Variants in SLC41A3 observed in about 807,000 individuals in gnomAD.
The protein encoded by SLC41A3 is SLC41A1-like 2.
Under a neutral mutation model 45.4 loss-of-function variants are expected in SLC41A3, and 44 were observed. The observed-to-expected ratio is 0.97, with a 90% CI of 0.76 to 1.25. The LOEUF is 1.25. Ranked by LOEUF, SLC41A3 falls within the 50% of genes most tolerant of loss-of-function variation. The pLI is 0.00. For missense variants in SLC41A3, 550 were observed against 600.6 expected, an observed-to-expected ratio of 0.92 and a Z score of 0.88; for synonymous variants, 256 against 252.4, an observed-to-expected ratio of 1.01 and a Z score of -0.13.
chr3:126,014,228 C>T (rs1008137462), intron 8 of SLC41A3, among the ~76,000 whole-genome samples: 4 of 151,918 alleles, frequency 2.6e-5, no homozygotes, highest in Non-Finnish European at 5.9e-5. Context: ...AGGACTGCTG[C>T]GATCTATTCG....
At chr3:126,090,389 A>G (rs879281356) in intron 1 of SLC41A3, among the ~76,000 whole-genome samples, 4 of 152,200 alleles carry the variant, frequency 2.6e-5, no homozygotes, top group Non-Finnish European at 4.4e-5. Context: ...AGTAGAAAAG[A>G]AAGGAGCTAA....
At chr3:126,087,989 C>G (rs1945426506), upstream of SLC41A3, among the ~76,000 whole-genome samples, 1 of 152,066 alleles carries the variant, frequency 6.6e-6, no homozygotes, top group Non-Finnish European at 1.5e-5. Context: ...TATAATCTGT[C>G]TCTTTGACAT....
At chr3:126,076,069 A>G (rs1009284860) in intron 1 of SLC41A3, among the ~76,000 whole-genome samples, 3 of 152,256 alleles carry the variant, frequency 2.0e-5, no homozygotes, top group Non-Finnish European at 1.5e-5. Flanking sequence ...AGTATTTGCC[A>G]ATCATTATAT....
At chr3:126,067,843 G>A (rs1012301194) in intron 2 of SLC41A3, 104 bp downstream of exon 2, 4 of 1,431,596 alleles carry the variant, frequency 2.8e-6, no homozygotes, top group Non-Finnish European at 3.7e-6. Context: ...CTTTTCAAGA[G>A]GACTGCCCGA....
At chr3:126,016,970 G>T in intron 6 of SLC41A3, 95 bp from the exon 7 acceptor site, 1 of 1,444,654 alleles carries the variant, frequency 6.9e-7, no homozygotes, top group Non-Finnish European at 9.3e-7. Flanking sequence ...GGGTGAGGAC[G>T]CTCCTGTCCT....
At chr3:126,053,463 G>A (rs1475583815) in intron 2 of SLC41A3, among the ~76,000 whole-genome samples, 1 of 152,140 alleles carries the variant, frequency 6.6e-6, no homozygotes, top group Non-Finnish European at 1.5e-5. Context: ...TAATACAAAT[G>A]TAAAGTGAAA....
chr3:126,055,070 A>C (rs1213245665), intron 2 of SLC41A3, among the ~76,000 whole-genome samples: 3 of 152,134 alleles, frequency 2.0e-5, no homozygotes, highest in Non-Finnish European at 4.4e-5. Flanking sequence ...CCTGGTGGGT[A>C]CAGACTGCCC....
intron 2 of SLC41A3, among the ~76,000 whole-genome samples, chr3:126,066,732 C>T (rs1237441035): frequency 1.3e-5 from 2 of 152,170 alleles, no homozygotes; most frequent in African/African-American, 4.8e-5. Flanking sequence ...AAAGATTTAG[C>T]TGAAGGCAGC....
intron 1 of SLC41A3, among the ~76,000 whole-genome samples, chr3:126,082,672 G>C (rs1215794749): frequency 6.6e-6 from 1 of 152,180 alleles, no homozygotes; most frequent in Non-Finnish European, 1.5e-5. Flanking sequence ...GCATCCCTGT[G>C]TCACCCTGTG....
chr3:126,064,805 T>C (rs180907889), intron 2 of SLC41A3, among the ~76,000 whole-genome samples: 56 of 152,360 alleles, frequency 3.7e-4, no homozygotes, highest in African/African-American at 1.3e-3. Context: ...AGCCCAGGAC[T>C]GCATCAGTTT....
intron 5 of SLC41A3, chr3:126,025,256 C>G (rs566588549): frequency 6.6e-6 from 1 of 152,150 alleles, no homozygotes; most frequent in Non-Finnish European, 1.5e-5. Context: ...TGCACATGTG[C>G]GAGCCCCAAG....
chr3:126,006,657 A>G lies in SLC41A3; in HGVS notation c.*359T>C. ...CCTGCTCCACCCCAATCTGGGTTGC[A>G]TGGGCATGGAAAAGAGCAAACACAC... is the stretch of plus-strand genomic sequence containing the variant. On this transcript the variant is annotated 3_prime_UTR_variant, in exon 11 of 11. Coordinates refer to ENST00000360370, the MANE Select transcript of SLC41A3 (RefSeq NM_017836.4). 3 of 1,501,960 alleles carry G rather than the reference A, an allele frequency of 2.0e-6. No homozygotes were observed. Among genetic ancestry groups the G allele is most frequent in the Non-Finnish European group, 2.7e-6 (3 of 1,129,760 alleles). 93.0% of individuals were successfully genotyped at this position (1,501,960 alleles called of 1,614,324 possible).
At chr3:126,095,391 A>G (rs920868371) in intron 1 of SLC41A3, 2 of 505,850 alleles carry the variant, frequency 4.0e-6, no homozygotes, top group Non-Finnish European at 3.5e-6. Context: ...AGAAGCTGTC[A>G]CAGATGGCAG....
intron 1 of SLC41A3, among the ~76,000 whole-genome samples, chr3:126,068,885 C>T (rs1011234553): frequency 2.0e-5 from 3 of 152,142 alleles, no homozygotes; most frequent in African/African-American, 7.2e-5. Flanking sequence ...TATTTAACCC[C>T]ACTTGGAGTT....
intron 2 of SLC41A3, among the ~76,000 whole-genome samples, chr3:126,066,280 A>G (rs958767748): frequency 2.6e-5 from 4 of 152,148 alleles, no homozygotes; most frequent in African/African-American, 9.7e-5. Context: ...CAGGAATGTC[A>G]CCCTCTAAGT....
In SLC41A3 at chr3:126,032,904, G is replaced by A. The variant is rs1179395145; in HGVS notation, c.453+703C>T. ...CACCCCAACTCAGAGAGGCCCAGAAGGGTCTAGGATAAAGCTACCTCCTGT... is the reference window on the plus strand; with the variant it reads ...CACCCCAACTCAGAGAGGCCCAGAAAGGTCTAGGATAAAGCTACCTCCTGT... On this transcript the variant is annotated intron_variant, in intron 4 of 10. Coordinates refer to ENST00000360370, the MANE Select transcript of SLC41A3 (RefSeq NM_017836.4). Among the ~76,000 whole-genome samples the A allele has an allele frequency of 6.6e-5, 10 of 152,272 alleles. No homozygotes were observed. The East Asian group carries it at 1.5e-3, about 24-fold the overall frequency.
chr3:126,099,351 AT>A (rs1415586714), intron 1 of SLC41A3, among the ~76,000 whole-genome samples: 1 of 152,232 alleles, frequency 6.6e-6, no homozygotes, highest in African/African-American at 2.4e-5. Context: ...AGTGACGGCA[AT>A]ATATTAATAT....
chr3:126,055,726 C>T (rs545284362), intron 2 of SLC41A3, among the ~76,000 whole-genome samples: 40 of 152,136 alleles, frequency 2.6e-4, no homozygotes, highest in Non-Finnish European at 5.1e-4. Context: ...GATTCCAATA[C>T]GCTGCCCAAA....
At chr3:126,076,465 C>T (rs1415105150) in intron 1 of SLC41A3, among the ~76,000 whole-genome samples, 1 of 152,184 alleles carries the variant, frequency 6.6e-6, no homozygotes, top group Non-Finnish European at 1.5e-5. Flanking sequence ...ACTCCTATGA[C>T]TATTCATGTG....
Sources: gnomAD v4.1 joint callset for allele counts (sites outside exome capture counted in the v4.1 genomes callset) on GRCh38, gnomAD v4.1.1 for gene constraint, MANE v1.5 for transcripts, NCBI Gene and HGNC (gene_info 2026-07-23, HGNC 2026-07-21) for gene names.